DSCAM: variants seen among roughly 807,000 people sequenced by gnomAD.
DSCAM encodes cell adhesion molecule DSCAM.
Under a neutral mutation model 217.7 loss-of-function variants are expected in DSCAM, and 47 were observed. The ratio of observed to expected loss-of-function variants is 0.22; its 90% CI spans 0.17 to 0.28. The LOEUF (loss-of-function observed/expected upper bound fraction) is 0.28, where lower values mean the gene tolerates loss of function less well. Ranked by LOEUF, DSCAM falls within the 10% of genes least tolerant of loss-of-function variation. The pLI is 1.00. For synonymous variants in DSCAM, 1,056 were observed against 1,015.3 expected, an observed-to-expected ratio of 1.04 and a Z score of -0.76; for missense variants, 2,080 against 2,618.3, an observed-to-expected ratio of 0.79 and a Z score of 4.49.
intron 3 of DSCAM, among the ~76,000 whole-genome samples, chr21:40,429,566 C>G (rs953507228): frequency 6.6e-6 from 1 of 152,224 alleles, no homozygotes; most frequent in Admixed American, 6.5e-5. Context: ...CCAAGCCCAG[C>G]CTGCATCAAG....
chr21:40,828,987 G>A (rs188818231), intron 1 of DSCAM, among the ~76,000 whole-genome samples: 2 of 152,250 alleles, frequency 1.3e-5, no homozygotes, highest in East Asian at 1.9e-4. Context: ...TCTGCTTCCC[G>A]CAGCCCCTGC....
chr21:40,365,734 A>G (rs1182737425), intron 4 of DSCAM, among the ~76,000 whole-genome samples: 1 of 151,802 alleles, frequency 6.6e-6, no homozygotes, highest in Non-Finnish European at 1.5e-5. Context: ...TCAATACCAA[A>G]CTCACTTCTT....
intron 3 of DSCAM, among the ~76,000 whole-genome samples, chr21:40,627,309 A>T (rs2146310903): frequency 6.6e-6 from 1 of 152,370 alleles, no homozygotes; most frequent in East Asian, 1.9e-4. Flanking sequence ...AATCTTAAAA[A>T]TTATGTAGCA....
intron 3 of DSCAM, among the ~76,000 whole-genome samples, chr21:40,425,704 A>G (rs1442209306): frequency 2.0e-5 from 3 of 149,530 alleles, no homozygotes; most frequent in Non-Finnish European, 3.0e-5. Context: ...TTCCTTGTTC[A>G]TTTCATAAAC....
intron 3 of DSCAM, among the ~76,000 whole-genome samples, chr21:40,592,355 T>G (rs1278657821): frequency 2.6e-5 from 4 of 152,156 alleles, no homozygotes; most frequent in African/African-American, 7.2e-5. Flanking sequence ...TCATATGAGC[T>G]TGTATGTCTT....
chr21:40,740,163 T>G (rs1166319770), intron 1 of DSCAM, among the ~76,000 whole-genome samples: 4 of 152,038 alleles, frequency 2.6e-5, no homozygotes, highest in African/African-American at 9.7e-5. Context: ...AATGTACAAC[T>G]CCTTTGAGGA....
At chr21:40,123,777 GGGAA>G (rs2090060799) in intron 20 of DSCAM, among the ~76,000 whole-genome samples, 1 of 149,772 alleles carries the variant, frequency 6.7e-6, no homozygotes, top group Admixed American at 6.6e-5. Context: ...TAGGGTGGGA[GGGAA>G]GGAAGGAGGG....
intron 5 of DSCAM, among the ~76,000 whole-genome samples, chr21:40,351,115 C>G (rs111519355): frequency 4.6e-5 from 7 of 151,868 alleles, no homozygotes; most frequent in African/African-American, 1.4e-4. Context: ...GAGGAAAACC[C>G]GTCATTGAAG....
chr21:40,493,425 A>G (rs1489715445), intron 3 of DSCAM, among the ~76,000 whole-genome samples: 4 of 152,220 alleles, frequency 2.6e-5, no homozygotes, highest in Admixed American at 6.5e-5. Flanking sequence ...CAAATTAAGT[A>G]TACTCTAATA....
chr21:40,831,732 A>G (rs2092013316), intron 1 of DSCAM, among the ~76,000 whole-genome samples: 2 of 152,158 alleles, frequency 1.3e-5, no homozygotes, highest in African/African-American at 2.4e-5. Context: ...ACTCTTCCCA[A>G]CAGAATGCAA....
intron 11 of DSCAM, among the ~76,000 whole-genome samples, chr21:40,258,815 A>AGCCAATCG (rs1325008071): frequency 6.6e-6 from 1 of 152,178 alleles, no homozygotes; most frequent in African/African-American, 2.4e-5. Context: ...AAAAAGTTCT[A>AGCCAATCG]AGTTGCTAGC....
chr21:40,710,023 G>T (rs919365907), intron 1 of DSCAM, among the ~76,000 whole-genome samples: 1 of 151,914 alleles, frequency 6.6e-6, no homozygotes, highest in Non-Finnish European at 1.5e-5. Context: ...CTTTTTAATG[G>T]TCACCATTCT....
chr21:40,086,699 G>A (rs114616553), intron 22 of DSCAM, among the ~76,000 whole-genome samples: 2,603 of 152,242 alleles, frequency 0.017, 82 homozygotes, highest in African/African-American at 0.059. Context: ...TTACTATGGA[G>A]TATGGAGAAC....
At chr21:40,324,103 CAAAAAAAAAA>C (rs71330393) in intron 8 of DSCAM, among the ~76,000 whole-genome samples, 66 of 27,948 alleles carry the variant, frequency 2.4e-3, no homozygotes, top group African/African-American at 9.1e-3. Flanking sequence ...AACTCTGTCT[CAAAAAAAAAA>C]AAAAAAAAAA....
intron 5 of DSCAM, among the ~76,000 whole-genome samples, chr21:40,350,592 A>T: frequency 6.6e-6 from 1 of 152,148 alleles, no homozygotes; most frequent in Non-Finnish European, 1.5e-5. Context: ...GGCTGTAATA[A>T]CCAACCAGAG....
At position 40,013,089 on chromosome 21, in the gene DSCAM, G is replaced by A; in HGVS notation, c.5984C>T (p.Ser1995Phe). The A allele has an allele frequency of 1.9e-6, 3 of 1,583,454 alleles. No individual in the cohort carries two copies. The highest frequency in any genetic ancestry group is 2.6e-6 in the Non-Finnish European group (3 of 1,162,048). Reference protein sequence around the residue: ...MSSSQESLLDSRGHLKGNNPY... With the variant: ...MSSSQESLLDFRGHLKGNNPY... ...ATTGTTTCCTTTCAAATGGCCCCGG[G>A]AGTCGAGCAGTGATTCTTGGGAGCT... The change falls in exon 33 of 33, where the codon TCC (serine) becomes TTC (phenylalanine). Residue 1995 changes from serine (S) to phenylalanine (F), a missense_variant. By Grantham distance (155) the Ser-to-Phe change is radical (BLOSUM62 -2). This residue lies in a region of DSCAM where 145 missense variants were observed against 138.5 expected (regional missense o/e 1.05). Transcript: ENST00000400454.
chr21:40,097,957 AGAAAGAAAGAAAGAAAGAAAG>A (rs1368072777), intron 20 of DSCAM, among the ~76,000 whole-genome samples: 2,638 of 59,024 alleles, frequency 0.045, 594 homozygotes, highest in East Asian at 0.14. Flanking sequence ...AAAAAAAAAA[AGAAAGAAAGAAAGAAAGAAAG>A]AAAGAAAGAA....
chr21:40,338,077 G>A, intron 8 of DSCAM, 24 bp downstream of exon 8: 1 of 1,609,688 alleles, frequency 6.2e-7, no homozygotes, highest in Non-Finnish European at 8.5e-7. Context: ...TGAGTTGTGT[G>A]GGAACCAGGA....
intron 20 of DSCAM, among the ~76,000 whole-genome samples, chr21:40,096,507 A>T (rs2089679419): frequency 6.6e-6 from 1 of 152,166 alleles, no homozygotes; most frequent in South Asian, 2.1e-4. Context: ...AAAGAGAATA[A>T]AAAAGTTAAC....
Sources: allele counts gnomAD v4.1 joint callset (sites outside exome capture counted in the v4.1 genomes callset), GRCh38; gene constraint gnomAD v4.1.1; regional missense constraint gnomAD v4.1.1; transcripts MANE v1.5; gene names NCBI Gene and HGNC (gene_info 2026-07-23, HGNC 2026-07-21).